HFM1: variants seen among roughly 807,000 people sequenced by gnomAD.
The protein encoded by HFM1 is probable ATP-dependent DNA helicase HFM1.
HFM1 carries 169 observed loss-of-function variants against 192.1 expected under a neutral mutation model. The observed-to-expected ratio is 0.88, with a 90% confidence interval of 0.78 to 1.00. HFM1 has a LOEUF of 1.00. HFM1 is among the 50% of genes least tolerant of loss of function. The pLI is 0.00. For synonymous variants in HFM1, 525 were observed against 537.8 expected (o/e 0.98, Z 0.33); for missense variants, 1,661 against 1,668.0 (o/e 1.00, Z 0.07).
rs368885534 is a variant in HFM1, at chr1:91,378,186, A to G, written c.1237-3T>C. 2 of 1,571,278 alleles carry G rather than the reference A, an allele frequency of 1.3e-6. No homozygotes were observed. Among genetic ancestry groups the G allele is most frequent in the Non-Finnish European group, 1.7e-6 (2 of 1,162,028 alleles). ...TTTTCATCTTTTACAATATGTACCT[A>G]AGCAGGAAATCAAGAAAAAATCATT... On this transcript the variant is annotated splice_region_variant and splice_polypyrimidine_tract_variant and intron_variant, in intron 10 of 38. Coordinates refer to ENST00000370425, the MANE Select transcript of HFM1 (RefSeq NM_001017975.6).
intron 30 of HFM1, among the ~76,000 whole-genome samples, chr1:91,310,071 CAG>C (rs1261897135): frequency 6.6e-6 from 1 of 151,800 alleles, no homozygotes; most frequent in African/African-American, 2.4e-5. Flanking sequence ...CAAAAGGACT[CAG>C]GAGTTAATCT....
chr1:91,330,873 A>G (rs1344546028), intron 20 of HFM1, among the ~76,000 whole-genome samples: 1 of 152,260 alleles, frequency 6.6e-6, no homozygotes, highest in Non-Finnish European at 1.5e-5. Flanking sequence ...AATGTGATAC[A>G]TCATATCAAG....
intron 13 of HFM1, among the ~76,000 whole-genome samples, chr1:91,373,127 T>C (rs1001237817): frequency 2.3e-5 from 3 of 132,296 alleles, no homozygotes; most frequent in African/African-American, 8.6e-5. Flanking sequence ...ACTATCTTTA[T>C]AGTCTACCTT....
At chr1:91,269,463 G>A (rs1666070177) in intron 34 of HFM1, among the ~76,000 whole-genome samples, 1 of 152,108 alleles carries the variant, frequency 6.6e-6, no homozygotes, top group African/African-American at 2.4e-5. Context: ...ATATCACTGA[G>A]TTTCCTCCAC....
At position 91,319,182 on chromosome 1, in the gene HFM1, T is replaced by C. The variant is rs766795535; in HGVS notation, c.2708A>G (p.Glu903Gly). The change falls in exon 25 of 39, where the codon GAA becomes GGA. Residue 903 changes from glutamate (E) to glycine (G), a missense_variant. Coordinates refer to ENST00000370425, the MANE Select transcript of HFM1 (RefSeq NM_001017975.6). ...ATTCAATAGTACAGCAAACTTCTTT[T>C]CTTGAGCAGCTACAAAATCTGACAA... ...RWLSDFVAAQEKKFAVLLNSL... is the reference protein window; with the variant it reads ...RWLSDFVAAQGKKFAVLLNSL... 6.2e-7 allele frequency: 1 copy of C among 1,608,678 alleles called. No homozygotes were observed. The highest frequency in any genetic ancestry group is 1.7e-5 in the Admixed American group (1 of 58,804).
intron 28 of HFM1, among the ~76,000 whole-genome samples, chr1:91,314,540 G>A (rs1195836480): frequency 6.6e-6 from 1 of 152,048 alleles, no homozygotes; most frequent in African/African-American, 2.4e-5. Context: ...TTACAGGTGT[G>A]AGCCACTCCA....
chr1:91,272,875 C>G (rs1032845385), intron 34 of HFM1, among the ~76,000 whole-genome samples: 3 of 151,840 alleles, frequency 2.0e-5, no homozygotes, highest in Non-Finnish European at 4.4e-5. Flanking sequence ...AAAAAAATGA[C>G]AGCATGAAGA....
chr1:91,261,262 T>A lies in HFM1; in HGVS notation c.*28A>T. 1.0e-6 allele frequency: 1 copy of A among 975,986 alleles called. No individual in the cohort carries two copies. Among genetic ancestry groups the A allele is most frequent in the Non-Finnish European group, 1.4e-6 (1 of 707,116 alleles). 60.5% of individuals were successfully genotyped at this position (975,986 alleles called of 1,614,324 possible). On this transcript the variant is annotated 3_prime_UTR_variant, in exon 39 of 39. Coordinates refer to ENST00000370425, the MANE Select transcript of HFM1 (RefSeq NM_001017975.6). ...TGATTAGGTGTCTTTATTCTTTCTC[T>A]TATCAATATAAAAAGTATTTGTTTG...
intron 30 of HFM1, among the ~76,000 whole-genome samples, chr1:91,286,938 C>T (rs568016113): frequency 2.0e-5 from 3 of 152,342 alleles, no homozygotes; most frequent in African/African-American, 7.2e-5. Context: ...CACCCGAATA[C>T]TGCGCTTTTC....
Position 91,375,530 on chromosome 1 carries a change from A to C in HFM1, c.1593T>G (p.Leu531=). The C allele has an allele frequency of 6.2e-7, 1 of 1,612,430 alleles. No individual in the cohort carries two copies. The highest frequency in any genetic ancestry group is 1.1e-5 in the South Asian group (1 of 91,026). ...IQMYSDQKPT[L]VFCATRKGVQ... is the part of the protein sequence containing the mutation. ...ATAAGCTATCAACAATCCATACCAC[A>C]AGTGTGGGTTTCTGATCAGAGTACA... Residue 531 remains leucine (L), a synonymous_variant, in exon 12 of 39, where the codon CTT becomes CTG. Transcript: ENST00000370425.
At chr1:91,329,498 G>C in intron 20 of HFM1, 1 of 1,546,680 alleles carries the variant, frequency 6.5e-7, no homozygotes, top group Non-Finnish European at 8.8e-7. Context: ...GGGCAGCAAG[G>C]AAGTTTAAAA....
chr1:91,348,809 A>G (rs1000696770), intron 18 of HFM1, among the ~76,000 whole-genome samples: 2 of 151,958 alleles, frequency 1.3e-5, no homozygotes, highest in African/African-American at 4.8e-5. Flanking sequence ...CTGTAGTACC[A>G]GCTACTCTGG....
At chr1:91,400,413 T>C (rs1664172279) in intron 2 of HFM1, among the ~76,000 whole-genome samples, 1 of 152,216 alleles carries the variant, frequency 6.6e-6, no homozygotes, top group Non-Finnish European at 1.5e-5. Context: ...TTCCCATCTT[T>C]AGCTTGGCCA....
chr1:91,305,973 G>A (rs1223739684), intron 30 of HFM1, among the ~76,000 whole-genome samples: 1 of 152,112 alleles, frequency 6.6e-6, no homozygotes, highest in Non-Finnish European at 1.5e-5. Context: ...CAACTCAATA[G>A]GAAAGTGTTT....
At chr1:91,270,574 TAA>T (rs55948138) in intron 34 of HFM1, among the ~76,000 whole-genome samples, 4 of 102,952 alleles carry the variant, frequency 3.9e-5, no homozygotes, top group Admixed American at 9.7e-5. Flanking sequence ...GTGAGAAGAA[TAA>T]AAAAAAAAAA....
intron 20 of HFM1, among the ~76,000 whole-genome samples, chr1:91,341,836 T>A (rs1483798026): frequency 5.4e-5 from 8 of 148,226 alleles, no homozygotes; most frequent in African/African-American, 2.0e-4. Context: ...CTAGAAAACC[T>A]AGAAGAAATG....
In HFM1 at chr1:91,325,076, A is replaced by G. The variant is rs1419674100; in HGVS notation, c.2336-310T>C. ...GAGTCCAGGCCTAGGCTCTTAAGAC[A>G]GCATTTCTGGACCTGCCCTGGGCCA... On this transcript the variant is annotated intron_variant, in intron 20 of 38. Coordinates refer to ENST00000370425, the MANE Select transcript of HFM1 (RefSeq NM_001017975.6). Among the ~76,000 whole-genome samples the G allele has an allele frequency of 3.3e-5, 5 of 150,538 alleles. No individual in the cohort carries two copies. The East Asian group carries it at 9.6e-4, about 29-fold the overall frequency.
chr1:91,292,577 T>C (rs567038258), intron 30 of HFM1, among the ~76,000 whole-genome samples: 17 of 151,902 alleles, frequency 1.1e-4, no homozygotes, highest in African/African-American at 3.6e-4. Context: ...GGAAGAACAT[T>C]CCATGCTCAC....
chr1:91,392,771 T>C (rs889164943), intron 4 of HFM1, among the ~76,000 whole-genome samples: 8 of 151,510 alleles, frequency 5.3e-5, no homozygotes, highest in Non-Finnish European at 1.2e-4. Context: ...AATATTCACC[T>C]CCAAAAAAAA....
Sources: gnomAD v4.1 joint callset for allele counts (sites outside exome capture counted in the v4.1 genomes callset) on GRCh38, gnomAD v4.1.1 for gene constraint, MANE v1.5 for transcripts, NCBI Gene and HGNC (gene_info 2026-07-23, HGNC 2026-07-21) for gene names.